Variants in NCOR1 observed in about 807,000 individuals in gnomAD.
NCOR1 encodes the protein protein phosphatase 1, regulatory subunit 109.
In NCOR1, 63 loss-of-function variants were observed where a neutral mutation model predicts 288.1. The ratio of observed to expected loss-of-function variants is 0.22; its 90% CI spans 0.18 to 0.27. The LOEUF (loss-of-function observed/expected upper bound fraction) is 0.27. Ranked by LOEUF, NCOR1 falls within the 10% of genes least tolerant of loss-of-function variation. The probability of loss-of-function intolerance (pLI) is 1.00; values close to 1 mark genes in which losing one functional copy is unlikely to be tolerated. For missense variants in NCOR1, 2,397 were observed against 3,019.2 expected, an observed-to-expected ratio of 0.79 and a Z score of 4.83; for synonymous variants, 1,007 against 1,065.9, an observed-to-expected ratio of 0.94 and a Z score of 1.08.
rs534303616 is a variant in NCOR1, at chr17:16,094,552, C to A, written c.2821-2494G>T. ...GGTGTTCAAACAAGAGTGACTCCGG[C>A]TCCCCTCCCCTCTCCCCTCTCCCCT... is the stretch of plus-strand genomic sequence containing the variant. On this transcript the variant is annotated intron_variant, in intron 21 of 45. Transcript: ENST00000268712. Among the ~76,000 whole-genome samples, 9 of 151,828 alleles carry A rather than the reference C, an allele frequency of 5.9e-5. No homozygotes were observed. The South Asian group carries it at 1.9e-3, about 32-fold the overall frequency.
intron 1 of NCOR1, among the ~76,000 whole-genome samples, chr17:16,196,548 G>C (rs916451062): frequency 1.3e-5 from 2 of 152,152 alleles, no homozygotes; most frequent in Admixed American, 6.5e-5. Flanking sequence ...TCAGGCGGCT[G>C]GGCGTGGTGG....
chr17:16,085,032 T>C (rs188764107), intron 23 of NCOR1, among the ~76,000 whole-genome samples: 2 of 152,238 alleles, frequency 1.3e-5, no homozygotes, highest in African/African-American at 2.4e-5. Context: ...GAGAAAATAT[T>C]TGTAATACAT....
intron 3 of NCOR1, among the ~76,000 whole-genome samples, chr17:16,180,544 A>G (rs1273823948): frequency 2.0e-5 from 3 of 152,102 alleles, no homozygotes; most frequent in Non-Finnish European, 4.4e-5. Flanking sequence ...TGAGGCCAGG[A>G]GTTGGAGACC....
rs1413093495 is a variant in NCOR1 at position 16,127,445 on chromosome 17, G to A, written c.1510-1239C>T. 8.4e-5 allele frequency among the ~76,000 whole-genome samples: 12 copies of A among 142,492 alleles called. 3 individuals are homozygous for A. The highest frequency in any genetic ancestry group is 2.1e-4 in the African/African-American group (8 of 38,256). The allele number at this position is 142,492 out of a possible 152,430, so 93.5% of individuals were successfully genotyped here. On this transcript the variant is annotated intron_variant, in intron 14 of 45. Coordinates refer to ENST00000268712, the MANE Select transcript of NCOR1 (RefSeq NM_006311.4). The stretch of plus-strand genomic sequence containing the variant: ...CATGTGTATATGTGTATGTATATAT[G>A]TGTATATGTATATATACGTGTATGT...
intron 6 of NCOR1, among the ~76,000 whole-genome samples, chr17:16,155,160 T>G (rs1599561490): frequency 6.6e-6 from 1 of 152,118 alleles, no homozygotes; most frequent in East Asian, 1.9e-4. Context: ...AAGACCAGCC[T>G]GCTAACATGG....
chr17:16,161,716 T>G (rs1419040548), intron 5 of NCOR1, among the ~76,000 whole-genome samples: 2 of 152,356 alleles, frequency 1.3e-5, no homozygotes, highest in Non-Finnish European at 2.9e-5. Context: ...CAGAACATTA[T>G]TATCACTGTT....
chr17:16,043,237 G>A (rs1414010530), intron 42 of NCOR1, among the ~76,000 whole-genome samples: 2 of 152,200 alleles, frequency 1.3e-5, no homozygotes, highest in East Asian at 3.9e-4. Context: ...ATGTCCTTGG[G>A]AACACTGGAT....
chr17:16,202,676 G>C (rs1308504413), intron 1 of NCOR1, among the ~76,000 whole-genome samples: 1 of 152,100 alleles, frequency 6.6e-6, no homozygotes, highest in African/African-American at 2.4e-5. Flanking sequence ...TTATCTCTAA[G>C]GCTGTAGGAA....
chr17:16,101,226 G>C, intron 20 of NCOR1, 24 bp downstream of exon 20: 1 of 1,550,166 alleles, frequency 6.5e-7, no homozygotes, highest in South Asian at 1.3e-5. Flanking sequence ...TAAGCACGGG[G>C]AGGACTTATG....
At chr17:16,040,929 C>T (rs1408400713) in intron 42 of NCOR1, 1 of 171,056 alleles carries the variant, frequency 5.8e-6, no homozygotes, top group African/African-American at 2.4e-5. Flanking sequence ...GGGAAAGGAA[C>T]TTTGCACTGC....
chr17:16,146,616 T>C, intron 9 of NCOR1, 68 bp from the exon 10 acceptor site: 1 of 1,316,968 alleles, frequency 7.6e-7, no homozygotes, highest in Non-Finnish European at 1.0e-6. Flanking sequence ...CCTAATACTT[T>C]AAAATAAATG....
chr17:16,072,257 T>C (rs2061839593), intron 28 of NCOR1, 29 bp from the exon 29 acceptor site: 1 of 1,536,794 alleles, frequency 6.5e-7, no homozygotes, highest in Non-Finnish European at 9.0e-7. Context: ...AATTCAATTA[T>C]TCAACATAAT....
chr17:16,068,715 ATTT>A (rs11438641), intron 31 of NCOR1, among the ~76,000 whole-genome samples: 3 of 135,252 alleles, frequency 2.2e-5, no homozygotes, highest in Admixed American at 7.6e-5. Flanking sequence ...ATCATCCTCA[ATTT>A]TTTTTTTTTT....
chr17:16,127,654 T>C (rs1362599616), intron 14 of NCOR1, among the ~76,000 whole-genome samples: 1 of 147,736 alleles, frequency 6.8e-6, no homozygotes, highest in Non-Finnish European at 1.5e-5. Context: ...TGTATGTGTA[T>C]ATATACATAT....
chr17:16,092,873 A>T (rs1412831007), intron 21 of NCOR1, among the ~76,000 whole-genome samples: 4 of 140,752 alleles, frequency 2.8e-5, no homozygotes, highest in Admixed American at 7.1e-5. Flanking sequence ...TAATTTTTCT[A>T]TTTTTTTTTT....
intron 7 of NCOR1, among the ~76,000 whole-genome samples, chr17:16,152,316 C>G (rs868202267): frequency 7.2e-5 from 11 of 152,202 alleles, no homozygotes; most frequent in Middle Eastern, 3.4e-3. Context: ...GCCCCACCCC[C>G]TGACAGGCCC....
chr17:16,035,051 T>G, intron 44 of NCOR1, 107 bp from the exon 45 acceptor site: 2 of 1,046,428 alleles, frequency 1.9e-6, no homozygotes, highest in South Asian at 3.2e-5. Context: ...AATGGTAACA[T>G]GAAGAATCCA....
chr17:16,085,713 G>A (rs970489576), intron 23 of NCOR1, among the ~76,000 whole-genome samples: 1 of 152,198 alleles, frequency 6.6e-6, no homozygotes, highest in African/African-American at 2.4e-5. Context: ...AGTGGAAGGG[G>A]AGATGGCCTG....
chr17:16,138,529 G>A (rs567177079), intron 12 of NCOR1, among the ~76,000 whole-genome samples: 30 of 152,292 alleles, frequency 2.0e-4, no homozygotes, highest in Admixed American at 1.3e-3. Context: ...AGGTTGCAGT[G>A]AGCCGAGATC....
Sources: allele counts gnomAD v4.1 joint callset (sites outside exome capture counted in the v4.1 genomes callset), GRCh38; gene constraint gnomAD v4.1.1; transcripts MANE v1.5; gene names NCBI Gene and HGNC (gene_info 2026-07-23, HGNC 2026-07-21).